ST6GALNAC3: variants seen among roughly 807,000 people sequenced by gnomAD.
ST6GALNAC3 encodes the protein ST6 N-acetylgalactosaminide alpha-2,6-sialyltransferase 3.
A neutral mutation model predicts 32.7 loss-of-function variants in ST6GALNAC3; 25 were observed. That is an observed-to-expected ratio of 0.76 (90% CI 0.56 to 1.07). The LOEUF is 1.07. Ranked by LOEUF, ST6GALNAC3 falls within the 50% of genes least tolerant of loss-of-function variation. The pLI, the probability that ST6GALNAC3 is intolerant of heterozygous loss-of-function variation, is 0.00. For synonymous variants in ST6GALNAC3, 129 were observed against 133.1 expected, an observed-to-expected ratio of 0.97 and a Z score of 0.21; for missense variants, 355 against 382.4, an observed-to-expected ratio of 0.93 and a Z score of 0.60.
intron 2 of ST6GALNAC3, among the ~76,000 whole-genome samples, chr1:76,387,609 T>G (rs1351147278): frequency 6.6e-6 from 1 of 152,080 alleles, no homozygotes; most frequent in Non-Finnish European, 1.5e-5. Context: ...GTCCCCAAAT[T>G]TACTTGCTTT....
intron 1 of ST6GALNAC3, among the ~76,000 whole-genome samples, chr1:76,271,222 C>T (rs1372197745): frequency 6.6e-6 from 1 of 152,170 alleles, no homozygotes; most frequent in Non-Finnish European, 1.5e-5. Flanking sequence ...CAAGAGACTT[C>T]CTTGCTGAGA....
At chr1:76,120,795 T>A (rs1340773916) in intron 1 of ST6GALNAC3, among the ~76,000 whole-genome samples, 1 of 152,178 alleles carries the variant, frequency 6.6e-6, no homozygotes, top group Non-Finnish European at 1.5e-5. Context: ...GGTACATTAG[T>A]CCTATTGCTG....
At chr1:76,411,834 A>G (rs1480597884) in intron 2 of ST6GALNAC3, among the ~76,000 whole-genome samples, 174 bp from the exon 3 acceptor site, 1 of 152,166 alleles carries the variant, frequency 6.6e-6, no homozygotes, top group Non-Finnish European at 1.5e-5. Context: ...TAATGGAAGC[A>G]TGCTGTTAAC....
chr1:76,174,135 A>G (rs1570309805), intron 1 of ST6GALNAC3, among the ~76,000 whole-genome samples: 2 of 152,240 alleles, frequency 1.3e-5, no homozygotes, highest in Admixed American at 1.3e-4. Context: ...GTACATATAC[A>G]CCATGGAATA....
chr1:76,314,405 A>C (rs1258223359), intron 2 of ST6GALNAC3, among the ~76,000 whole-genome samples: 1 of 152,098 alleles, frequency 6.6e-6, no homozygotes, highest in African/African-American at 2.4e-5. Flanking sequence ...TACTCCTTAA[A>C]ACTCTGTAAT....
intron 3 of ST6GALNAC3, among the ~76,000 whole-genome samples, chr1:76,455,779 G>T (rs1036040582): frequency 6.6e-6 from 1 of 152,010 alleles, no homozygotes; most frequent in Non-Finnish European, 1.5e-5. Context: ...AGATATCCTG[G>T]ACTCTTAGTC....
chr1:76,255,004 C>T (rs890955177), intron 1 of ST6GALNAC3, among the ~76,000 whole-genome samples: 8 of 150,436 alleles, frequency 5.3e-5, no homozygotes, highest in East Asian at 2.0e-4. Flanking sequence ...TAGCCTTCTG[C>T]GTGGTTTCTG....
intron 1 of ST6GALNAC3, among the ~76,000 whole-genome samples, chr1:76,290,437 A>C (rs142516651): frequency 2.3e-3 from 347 of 152,304 alleles, no homozygotes; most frequent in Middle Eastern, 6.8e-3. Context: ...ATACCTCATT[A>C]TTTATTTAGC....
intron 3 of ST6GALNAC3, among the ~76,000 whole-genome samples, chr1:76,572,193 G>A (rs1317586725): frequency 6.6e-6 from 1 of 151,714 alleles, no homozygotes; most frequent in East Asian, 1.9e-4. Context: ...TACATGAACT[G>A]TCTTTTTTCC....
At chr1:76,320,963 T>TACAC in intron 2 of ST6GALNAC3, among the ~76,000 whole-genome samples, 1 of 138,848 alleles carries the variant, frequency 7.2e-6, no homozygotes, top group African/African-American at 2.7e-5. Flanking sequence ...GGTATATATA[T>TACAC]ACACACACAC....
At position 76,124,495 on chromosome 1, in the gene ST6GALNAC3, G is replaced by A. The variant is rs376584857; in HGVS notation, c.18+49611G>A. On this transcript the variant is annotated intron_variant, in intron 1 of 4. Transcript: ENST00000328299. ...GTCTGTCCCTGGTTGGGGATGTGCCGCACTCCACCGACTGCATATTAAAAA... is the reference window on the plus strand; with the variant it reads ...GTCTGTCCCTGGTTGGGGATGTGCCACACTCCACCGACTGCATATTAAAAA... 3.2e-4 allele frequency among the ~76,000 whole-genome samples: 48 copies of A among 152,226 alleles called. No homozygotes were observed. The East Asian group carries it at 5.8e-3, about 18-fold the overall frequency.
chr1:76,289,991 T>A (rs1470744604), intron 1 of ST6GALNAC3, among the ~76,000 whole-genome samples: 1 of 152,228 alleles, frequency 6.6e-6, no homozygotes, highest in Non-Finnish European at 1.5e-5. Flanking sequence ...AAAGTTCACA[T>A]CTACCCAGGA....
intron 3 of ST6GALNAC3, among the ~76,000 whole-genome samples, chr1:76,501,019 T>A (rs1661145389): frequency 1.3e-5 from 2 of 152,214 alleles, no homozygotes; most frequent in South Asian, 4.1e-4. Context: ...CCTAAGGTAG[T>A]GGGGGGAAGA....
At chr1:76,374,364 C>G (rs1266021358) in intron 2 of ST6GALNAC3, among the ~76,000 whole-genome samples, 1 of 152,100 alleles carries the variant, frequency 6.6e-6, no homozygotes, top group Non-Finnish European at 1.5e-5. Flanking sequence ...ATAGTCCTGC[C>G]CCATAGAGTA....
chr1:76,344,658 A>T (rs1648344167), intron 2 of ST6GALNAC3, among the ~76,000 whole-genome samples: 1 of 152,196 alleles, frequency 6.6e-6, no homozygotes, highest in South Asian at 2.1e-4. Flanking sequence ...AGAGGGAGAT[A>T]TGGAATTTTG....
intron 3 of ST6GALNAC3, among the ~76,000 whole-genome samples, chr1:76,540,048 C>T (rs1452028621): frequency 1.3e-5 from 2 of 152,128 alleles, no homozygotes; most frequent in Non-Finnish European, 1.5e-5. Flanking sequence ...TGTAAAGATG[C>T]ATGCACATAT....
chr1:76,560,492 A>G (rs1378762341), intron 3 of ST6GALNAC3, among the ~76,000 whole-genome samples: 2 of 152,214 alleles, frequency 1.3e-5, no homozygotes, highest in South Asian at 2.1e-4. Flanking sequence ...ATAGGAAAAA[A>G]TCTAATAATC....
chr1:76,226,487 A>C (rs189316160), intron 1 of ST6GALNAC3, among the ~76,000 whole-genome samples: 2 of 152,206 alleles, frequency 1.3e-5, no homozygotes, highest in East Asian at 3.9e-4. Context: ...TTACTGGTGT[A>C]TTAGTCCATT....
At chr1:76,400,666 C>A (rs112872411) in intron 2 of ST6GALNAC3, among the ~76,000 whole-genome samples, 7,726 of 152,014 alleles carry the variant, frequency 0.051, 230 homozygotes, top group African/African-American at 0.07. Flanking sequence ...GCAGGCAGAT[C>A]ACCTGAGGTT....
Sources: gnomAD v4.1 joint callset for allele counts (sites outside exome capture counted in the v4.1 genomes callset) on GRCh38, gnomAD v4.1.1 for gene constraint, MANE v1.5 for transcripts, NCBI Gene and HGNC (gene_info 2026-07-23, HGNC 2026-07-21) for gene names.